Variants in PCDHA4 observed in about 807,000 individuals in gnomAD.
The protein encoded by PCDHA4 is protocadherin alpha-4.
A neutral mutation model predicts 61.4 loss-of-function variants in PCDHA4; 49 were observed. That is an observed-to-expected ratio of 0.80 (90% CI 0.63 to 1.01). The LOEUF (loss-of-function observed/expected upper bound fraction) is 1.01, where lower values mean the gene tolerates loss of function less well. Among genes scored for constraint, PCDHA4 ranks in the 50% least tolerant of loss-of-function variants. The probability of loss-of-function intolerance (pLI) is 0.00; values close to 1 mark genes in which losing one functional copy is unlikely to be tolerated. For synonymous variants in PCDHA4, 590 were observed against 550.3 expected, an observed-to-expected ratio of 1.07 and a Z score of -1.01; for missense variants, 1,254 against 1,235.8, an observed-to-expected ratio of 1.01 and a Z score of -0.22.
chr5:140,817,403 G>A (rs543583260), intron 1 of PCDHA4: 1 of 152,224 alleles, frequency 6.6e-6, no homozygotes, highest in Admixed American at 6.5e-5. Context: ...TCCTTGTATT[G>A]TTGTTGAGTT....
At chr5:140,851,088 A>G in intron 1 of PCDHA4, 2 of 1,298,258 alleles carry the variant, frequency 1.5e-6, no homozygotes, top group Non-Finnish European at 2.0e-6. Flanking sequence ...TGTATATTAA[A>G]TAGATATTTT....
chr5:140,981,721 A>G (rs2096948672), intron 2 of PCDHA4, among the ~76,000 whole-genome samples: 1 of 151,112 alleles, frequency 6.6e-6, no homozygotes, highest in Non-Finnish European at 1.5e-5. Context: ...TTCATCCAAC[A>G]AATATTTGAG....
intron 3 of PCDHA4, among the ~76,000 whole-genome samples, chr5:140,992,953 C>G (rs1377524442): frequency 5.9e-5 from 9 of 152,172 alleles, no homozygotes; most frequent in African/African-American, 2.2e-4. Flanking sequence ...ATTAAATCAC[C>G]CCTTATACTG....
chr5:140,872,452 T>G (rs1459875737), intron 1 of PCDHA4, among the ~76,000 whole-genome samples: 1 of 151,968 alleles, frequency 6.6e-6, no homozygotes, highest in East Asian at 1.9e-4. Context: ...CATAGCGAGA[T>G]CCTGTCTCTA....
At chr5:140,830,481 C>T in intron 1 of PCDHA4, 1 of 1,505,882 alleles carries the variant, frequency 6.6e-7, no homozygotes, top group Non-Finnish European at 8.9e-7. Context: ...GATCATGATG[C>T]CAAAGTAAGT....
intron 1 of PCDHA4, chr5:140,849,876 A>T (rs191347173): frequency 4.4e-6 from 7 of 1,598,522 alleles, no homozygotes; most frequent in Middle Eastern, 1.7e-4. Context: ...GTCCGAGTAC[A>T]CGGTGTTCGT....
chr5:140,959,293 C>G (rs1554223990), intron 1 of PCDHA4, among the ~76,000 whole-genome samples: 1 of 152,088 alleles, frequency 6.6e-6, no homozygotes, highest in African/African-American at 2.4e-5. Context: ...GGGAGCATCA[C>G]TGAGCCCGGT....
At chr5:140,971,844 C>T (rs1209652703) in intron 1 of PCDHA4, among the ~76,000 whole-genome samples, 2 of 151,920 alleles carry the variant, frequency 1.3e-5, no homozygotes, top group African/African-American at 2.4e-5. Flanking sequence ...GCAAGTCATG[C>T]GTTAAATATT....
At chr5:141,000,899 C>T (rs1013993633) in intron 3 of PCDHA4, among the ~76,000 whole-genome samples, 18 of 151,966 alleles carry the variant, frequency 1.2e-4, no homozygotes, top group African/African-American at 2.7e-4. Flanking sequence ...CAGATATAGA[C>T]GCTGTCTCTA....
rs1448615626 is a variant in PCDHA4, at chr5:140,808,492, G to A, written c.1305G>A (p.Leu435=). The part of the protein sequence containing the change: ...VTARDGGSPS[L]WATASVSVEV... ...CGCGAGACGGGGGCTCGCCTTCGCTGTGGGCCACGGCCAGTGTTTCTGTGG... is the reference window on the plus strand; with the variant it reads ...CGCGAGACGGGGGCTCGCCTTCGCTATGGGCCACGGCCAGTGTTTCTGTGG... The change falls in exon 1 of 4, where the codon CTG becomes CTA. Residue 435 remains leucine (L), a synonymous_variant. Transcript: ENST00000530339. 1 of 1,614,188 alleles carries A rather than the reference G, an allele frequency of 6.2e-7. No individual in the cohort carries two copies. Among genetic ancestry groups the A allele is most frequent in the Non-Finnish European group, 8.5e-7 (1 of 1,180,052 alleles).
intron 1 of PCDHA4, chr5:140,849,896 C>G: frequency 6.3e-7 from 1 of 1,598,590 alleles, no homozygotes; most frequent in Non-Finnish European, 8.6e-7. Flanking sequence ...TGAAGGAGAA[C>G]AACCCGCCGG....
chr5:140,959,592 G>A (rs2095498598), intron 1 of PCDHA4, among the ~76,000 whole-genome samples: 2 of 152,162 alleles, frequency 1.3e-5, no homozygotes, highest in South Asian at 4.1e-4. Flanking sequence ...TATCAGCCAA[G>A]TATAACATGC....
intron 1 of PCDHA4, among the ~76,000 whole-genome samples, chr5:140,872,690 T>C (rs1485284839): frequency 6.6e-6 from 1 of 152,210 alleles, no homozygotes; most frequent in Non-Finnish European, 1.5e-5. Context: ...ATGGCATGAT[T>C]TATGATTCCA....
chr5:140,937,648 CACGCCTGTAATCCCAGCACT>C (rs1554211703), intron 1 of PCDHA4, among the ~76,000 whole-genome samples: 3 of 150,626 alleles, frequency 2.0e-5, no homozygotes, highest in South Asian at 4.2e-4. Flanking sequence ...CATGGTGGCT[CACGCCTGTAATCCCAGCACT>C]TTGGGAGGCT....
At chr5:140,869,932 G>A (rs1291685236) in intron 1 of PCDHA4, 45 of 1,611,630 alleles carry the variant, frequency 2.8e-5, no homozygotes, top group Non-Finnish European at 3.5e-5. Context: ...CAATGGAGAG[G>A]TAACATACTC....
At chr5:140,919,387 G>A (rs180927321) in intron 1 of PCDHA4, among the ~76,000 whole-genome samples, 420 of 152,292 alleles carry the variant, frequency 2.8e-3, no homozygotes, top group Middle Eastern at 6.8e-3. Context: ...ATAGTTGGAT[G>A]TTGTTTTCCT....
intron 1 of PCDHA4, chr5:140,857,774 G>T: frequency 6.3e-7 from 1 of 1,597,758 alleles, no homozygotes; most frequent in Non-Finnish European, 8.6e-7. Flanking sequence ...GGGCGGTGCA[G>T]TCAGTGAGCT....
Position 140,828,799 on chromosome 5 carries a change from T to C in PCDHA4, c.2385+19227T>C, listed in dbSNP as rs112419059. 8.7e-3 allele frequency: 14,110 copies of C among 1,614,220 alleles called. 76 individuals carry two copies. The highest frequency in any genetic ancestry group is 0.011 in the Non-Finnish European group (12,596 of 1,180,026). ...TGCTGGTCACAGTGCTGGATGTGAATGATAATGCTCCCACTTTCGAACAGT... is the reference window on the plus strand; with the variant it reads ...TGCTGGTCACAGTGCTGGATGTGAACGATAATGCTCCCACTTTCGAACAGT... On this transcript the variant is annotated intron_variant, in intron 1 of 3. Coordinates refer to ENST00000530339, the MANE Select transcript of PCDHA4 (RefSeq NM_018907.4).
Position 140,960,269 on chromosome 5 carries a change from G to A in PCDHA4, c.2386-18680G>A, listed in dbSNP as rs148980300. On this transcript the variant is annotated intron_variant, in intron 1 of 3. Transcript: ENST00000530339. ...CTTCCTGGAGCTTCTGATAAATTCC[G>A]TCACCTTTTTGGGACCCAGTTTCTT... is the stretch of plus-strand genomic sequence containing the variant. Among the ~76,000 whole-genome samples, 355 of 152,162 alleles carry A rather than the reference G, an allele frequency of 2.3e-3. 1 individual carries two copies. The highest frequency in any genetic ancestry group is 7.0e-3 in the African/African-American group (290 of 41,548).
Sources: allele counts gnomAD v4.1 joint callset (sites outside exome capture counted in the v4.1 genomes callset), GRCh38; gene constraint gnomAD v4.1.1; transcripts MANE v1.5; gene names NCBI Gene and HGNC (gene_info 2026-07-23, HGNC 2026-07-21).